Variants in DMD observed in about 807,000 individuals in gnomAD.
DMD encodes the protein dystrophin.
In DMD, 63 loss-of-function variants were observed where a neutral mutation model predicts 330.1. That is an observed-to-expected ratio of 0.19 (90% CI 0.16 to 0.24). The LOEUF (loss-of-function observed/expected upper bound fraction) is 0.24. Among genes scored for constraint, DMD ranks in the 10% least tolerant of loss-of-function variants. DMD has a pLI of 1.00. For synonymous variants in DMD, 1,223 were observed against 959.8 expected (o/e 1.27, Z -5.07); for missense variants, 3,344 against 2,684.1 (o/e 1.25, Z -5.43).
chrX:31,985,129 TCATAAA>T (rs1233522583), intron 44 of DMD, among the ~76,000 whole-genome samples: 2 of 112,140 alleles, frequency 1.8e-5, no homozygotes, highest in Non-Finnish European at 3.8e-5. Context: ...AAAAGAGAAT[TCATAAA>T]CATAGAAACC....
At chrX:32,748,755 T>C (rs1247714006) in intron 7 of DMD, among the ~76,000 whole-genome samples, 1 of 112,161 alleles carries the variant, frequency 8.9e-6, no homozygotes, top group African/African-American at 3.2e-5. Flanking sequence ...CCTCTCAAAG[T>C]AACAAGAGCT....
intron 12 of DMD, among the ~76,000 whole-genome samples, chrX:32,607,123 AC>A (rs1490425983): frequency 9.1e-6 from 1 of 109,847 alleles, no homozygotes; most frequent in Non-Finnish European, 1.9e-5. Flanking sequence ...CTGCACATGC[AC>A]CCCCTCAATC....
At chrX:32,881,350 G>A (rs1057126668) in intron 2 of DMD, among the ~76,000 whole-genome samples, 15 of 112,602 alleles carry the variant, frequency 1.3e-4, no homozygotes, top group Non-Finnish European at 2.2e-4. Flanking sequence ...AGACAATTAT[G>A]ATTTCTGAGT....
intron 43 of DMD, among the ~76,000 whole-genome samples, chrX:32,279,980 C>T (rs1360451057): frequency 5.4e-5 from 5 of 92,398 alleles, no homozygotes; most frequent in Non-Finnish European, 8.7e-5. Flanking sequence ...TATATATGTA[C>T]CCCACATATA....
At chrX:32,214,071 C>T (rs1052243566) in intron 44 of DMD, among the ~76,000 whole-genome samples, 1 of 111,059 alleles carries the variant, frequency 9.0e-6, no homozygotes, top group Non-Finnish European at 1.9e-5. Context: ...TAGACATTCT[C>T]TGAAAATTTT....
intron 61 of DMD, among the ~76,000 whole-genome samples, chrX:31,332,215 C>G (rs1224532384): frequency 1.8e-5 from 2 of 111,867 alleles, no homozygotes; most frequent in African/African-American, 6.5e-5. Context: ...GCTCACAACC[C>G]AACACATTTA....
chrX:33,040,167 C>CAA (rs1242451443), intron 1 of DMD, among the ~76,000 whole-genome samples: 1 of 111,356 alleles, frequency 9.0e-6, no homozygotes, highest in Non-Finnish European at 1.9e-5. Flanking sequence ...TGGGAACTTG[C>CAA]AAAAAAGTAA....
At chrX:33,160,966 TTC>T (rs2048741982) in intron 1 of DMD, among the ~76,000 whole-genome samples, 1 of 112,186 alleles carries the variant, frequency 8.9e-6, no homozygotes, top group Non-Finnish European at 1.9e-5. Flanking sequence ...GTGTTAAAAA[TTC>T]TCTATTACTC....
At position 31,750,844 on chromosome X, in the gene DMD, C is replaced by T. The variant is rs758465430; in HGVS notation, c.7543-21096G>A. Among the ~76,000 whole-genome samples the T allele has an allele frequency of 8.9e-5, 9 of 100,805 alleles. No homozygotes were observed. In the East Asian group the frequency reaches 3.0e-3, roughly 34 times the overall value. The allele number at this position is 100,805 out of a possible 115,157, so 87.5% of individuals were successfully genotyped here. On this transcript the variant is annotated intron_variant, in intron 51 of 78. Coordinates refer to ENST00000357033, the MANE Select transcript of DMD (RefSeq NM_004006.3). The stretch of plus-strand genomic sequence containing the variant: ...TACAAAAATCACAAGCATTCTTATA[C>T]ACCAACGACAGACAAACAGAGAGCC...
intron 60 of DMD, among the ~76,000 whole-genome samples, chrX:31,373,065 C>T (rs1373503616): frequency 1.5e-3 from 163 of 109,601 alleles, no homozygotes; most frequent in African/African-American, 5.0e-3. Context: ...AACTCCCATT[C>T]ACAATTGCTT....
chrX:32,791,514 C>A (rs1369442568), intron 7 of DMD, among the ~76,000 whole-genome samples: 1 of 111,692 alleles, frequency 9.0e-6, no homozygotes, highest in Admixed American at 9.5e-5. Context: ...GCACCCTAAG[C>A]TACTGAGGAA....
intron 25 of DMD, among the ~76,000 whole-genome samples, chrX:32,461,478 C>CT (rs1448512234): frequency 1.7e-4 from 19 of 111,095 alleles, no homozygotes; most frequent in Admixed American, 1.2e-3. Context: ...GGATCTATAG[C>CT]TTTTTTGCTA....
At chrX:33,237,388 C>T (rs191698059) in intron 1 of DMD, among the ~76,000 whole-genome samples, 1,550 of 109,654 alleles carry the variant, frequency 0.014, 34 homozygotes, top group African/African-American at 0.049. Flanking sequence ...AGATTACAGG[C>T]GTGTGCCACC....
intron 43 of DMD, among the ~76,000 whole-genome samples, chrX:32,265,800 G>T (rs1270872254): frequency 8.9e-6 from 1 of 112,288 alleles, no homozygotes; most frequent in African/African-American, 3.2e-5. Flanking sequence ...TCTCCCATCT[G>T]GAATGGGTGT....
At chrX:31,220,518 G>A (rs1183471931) in intron 64 of DMD, among the ~76,000 whole-genome samples, 1 of 111,292 alleles carries the variant, frequency 9.0e-6, no homozygotes, top group Admixed American at 9.6e-5. Context: ...TAACCTCTTG[G>A]AATTTTCCTT....
rs745919657 is a variant in DMD, at chrX:32,829,319, T to C, written c.265-5932A>G. 4.5e-5 allele frequency among the ~76,000 whole-genome samples: 5 copies of C among 112,005 alleles called. No homozygotes were observed. In the South Asian group the frequency reaches 1.8e-3, roughly 41 times the overall value. Reference sequence around the variant, plus strand: ...ATAACCTACTAAATGTTTTCTGAAGTAATCAGTCTAATTTTCCACTTATTC... The same window carrying C: ...ATAACCTACTAAATGTTTTCTGAAGCAATCAGTCTAATTTTCCACTTATTC... On this transcript the variant is annotated intron_variant, in intron 4 of 78. Coordinates refer to ENST00000357033, the MANE Select transcript of DMD (RefSeq NM_004006.3).
At chrX:31,716,539 A>G (rs1288360502) in intron 52 of DMD, among the ~76,000 whole-genome samples, 2 of 105,168 alleles carry the variant, frequency 1.9e-5, no homozygotes, top group Non-Finnish European at 1.9e-5. Flanking sequence ...CAACAAGAGC[A>G]AAACTCCATC....
intron 51 of DMD, among the ~76,000 whole-genome samples, chrX:31,732,142 A>T (rs997636661): frequency 4.6e-5 from 5 of 108,301 alleles, no homozygotes. Flanking sequence ...CCTCCTTAAA[A>T]ATCTAAGGAG....
chrX:32,660,515 C>T (rs1175003830), intron 9 of DMD, among the ~76,000 whole-genome samples: 1 of 111,355 alleles, frequency 9.0e-6, no homozygotes, highest in Non-Finnish European at 1.9e-5. Context: ...CATTTATTTT[C>T]TGTAGGTATA....
Sources: gnomAD v4.1 joint callset for allele counts (sites outside exome capture counted in the v4.1 genomes callset) on GRCh38, gnomAD v4.1.1 for gene constraint, MANE v1.5 for transcripts, NCBI Gene and HGNC (gene_info 2026-07-23, HGNC 2026-07-21) for gene names.